The following CNTN3 variants were observed in gnomAD, a reference collection of about 807,000 sequenced individuals.
CNTN3 encodes the protein contactin 3.
A neutral mutation model predicts 119.1 loss-of-function variants in CNTN3; 60 were observed. The observed-to-expected ratio is 0.50, with a 90% CI of 0.41 to 0.62. The LOEUF is 0.62. Ranked by LOEUF, CNTN3 falls within the 20% of genes least tolerant of loss-of-function variation. CNTN3 has a pLI of 0.00. For synonymous variants in CNTN3, 450 were observed against 438.7 expected (o/e 1.03, Z -0.32); for missense variants, 1,101 against 1,242.4 (o/e 0.89, Z 1.71).
chr3:74,335,849 T>G (rs1703380235), intron 12 of CNTN3, among the ~76,000 whole-genome samples: 1 of 152,152 alleles, frequency 6.6e-6, no homozygotes, highest in African/African-American at 2.4e-5. Flanking sequence ...CCATGAAATC[T>G]TTTTCCAAAT....
At position 74,544,260 on chromosome 3, in the gene CNTN3, T is replaced by C. The variant is rs186352668; in HGVS notation, c.-80-23068A>G. 3.9e-3 allele frequency among the ~76,000 whole-genome samples: 592 copies of C among 152,340 alleles called. 6 individuals carry two copies. The highest frequency in any genetic ancestry group is 0.014 in the African/African-American group (576 of 41,590). On this transcript the variant is annotated intron_variant, in intron 1 of 22. Coordinates refer to ENST00000263665, the MANE Select transcript of CNTN3 (RefSeq NM_020872.3). ...CTTAAAACCTTATGATATAACAATG[T>C]AACTGAATAGCTCAAGAATATAACA...
rs888878472 is a variant in CNTN3, at chr3:74,342,424, G to A, written c.1365-5766C>T. On this transcript the variant is annotated intron_variant, in intron 11 of 22. Transcript: ENST00000263665. ...ATTTATTGGTTAGTAAATCTCCAAG[G>A]AAAGGAAAAGCAGAATGGAGGAGAT... Among the ~76,000 whole-genome samples the A allele has an allele frequency of 2.0e-5, 3 of 152,212 alleles. No homozygotes were observed. The East Asian group carries it at 5.8e-4, about 29-fold the overall frequency.
At chr3:74,486,995 G>A (rs1702871235) in intron 3 of CNTN3, among the ~76,000 whole-genome samples, 1 of 152,178 alleles carries the variant, frequency 6.6e-6, no homozygotes, top group African/African-American at 2.4e-5. Context: ...TGCTGACAAT[G>A]AAGGAAGAAA....
chr3:74,431,402 G>C (rs938793644), intron 4 of CNTN3, among the ~76,000 whole-genome samples: 1 of 152,168 alleles, frequency 6.6e-6, no homozygotes, highest in Non-Finnish European at 1.5e-5. Context: ...CAGGGGTATA[G>C]TGCACAAGTC....
At position 74,374,235 on chromosome 3, in the gene CNTN3, C is replaced by T. The variant is rs143120875; in HGVS notation, c.455-2836G>A. On this transcript the variant is annotated intron_variant, in intron 5 of 22. Transcript: ENST00000263665. Reference sequence around the variant, plus strand: ...TTGTTCACCAACATGGGACCTGACTCGCAGTCTGAGGCTCTCTGCCCATTT... The same window carrying T: ...TTGTTCACCAACATGGGACCTGACTTGCAGTCTGAGGCTCTCTGCCCATTT... Among the ~76,000 whole-genome samples, 367 of 152,076 alleles carry T rather than the reference C, an allele frequency of 2.4e-3. 2 individuals are homozygous for T. Among genetic ancestry groups the T allele is most frequent in the Admixed American group, 6.5e-3 (100 of 15,280 alleles).
chr3:74,352,875 A>G (rs1181965568), intron 11 of CNTN3, among the ~76,000 whole-genome samples: 1 of 152,142 alleles, frequency 6.6e-6, no homozygotes, highest in Non-Finnish European at 1.5e-5. Flanking sequence ...ATTCACTGAA[A>G]CTCACTGAGC....
intron 1 of CNTN3, among the ~76,000 whole-genome samples, chr3:74,583,144 C>T (rs1226567271): frequency 6.6e-6 from 1 of 152,034 alleles, no homozygotes; most frequent in Non-Finnish European, 1.5e-5. Flanking sequence ...GGTACCTGGA[C>T]TAGAGTGATT....
chr3:74,466,388 A>G (rs1702460920), intron 4 of CNTN3, among the ~76,000 whole-genome samples: 1 of 152,216 alleles, frequency 6.6e-6, no homozygotes, highest in South Asian at 2.1e-4. Context: ...TATCAATAAC[A>G]AAGATGTTCA....
intron 1 of CNTN3, among the ~76,000 whole-genome samples, chr3:74,536,074 A>G (rs893043293): frequency 6.6e-6 from 1 of 152,140 alleles, no homozygotes; most frequent in Non-Finnish European, 1.5e-5. Flanking sequence ...ACTGAGAGAC[A>G]GGACGCATCT....
intron 11 of CNTN3, among the ~76,000 whole-genome samples, chr3:74,359,216 T>C (rs1423845180): frequency 6.6e-6 from 1 of 152,118 alleles, no homozygotes; most frequent in Non-Finnish European, 1.5e-5. Flanking sequence ...AACCAACCAA[T>C]GAACGGCCAA....
At chr3:74,539,367 G>T (rs935232463) in intron 1 of CNTN3, among the ~76,000 whole-genome samples, 2 of 152,038 alleles carry the variant, frequency 1.3e-5, no homozygotes, top group Non-Finnish European at 2.9e-5. Context: ...ATTGATGAGG[G>T]TGTTTAATCT....
At chr3:74,420,831 C>T (rs1346086371) in intron 5 of CNTN3, among the ~76,000 whole-genome samples, 4 of 152,182 alleles carry the variant, frequency 2.6e-5, no homozygotes, top group Admixed American at 2.6e-4. Context: ...TGCCTCCTCT[C>T]TGAGGCACAC....
intron 1 of CNTN3, among the ~76,000 whole-genome samples, 167 bp downstream of exon 1, chr3:74,614,224 C>T (rs1282372245): frequency 1.3e-5 from 2 of 152,200 alleles, no homozygotes; most frequent in Non-Finnish European, 2.9e-5. Context: ...CTCCCCAGAG[C>T]AAGTCCGATG....
intron 5 of CNTN3, among the ~76,000 whole-genome samples, chr3:74,390,156 C>T (rs1271885942): frequency 6.6e-6 from 1 of 152,184 alleles, no homozygotes; most frequent in Admixed American, 6.5e-5. Flanking sequence ...CATCTCTTAG[C>T]CAACTGATCT....
At chr3:74,480,100 A>G (rs114420863) in intron 4 of CNTN3, among the ~76,000 whole-genome samples, 2 of 152,074 alleles carry the variant, frequency 1.3e-5, no homozygotes, top group Non-Finnish European at 2.9e-5. Flanking sequence ...ATTATGGCCC[A>G]ATAAAATCCT....
chr3:74,582,783 T>TTGTGTGTGTGTGTG (rs60306845), intron 1 of CNTN3, among the ~76,000 whole-genome samples: 2,059 of 145,024 alleles, frequency 0.014, 27 homozygotes, highest in Middle Eastern at 0.039. Context: ...GTGTATGCAT[T>TTGTGTGTGTGTGTG]TGTGTGTGTG....
In CNTN3 at chr3:74,450,073, T is replaced by C. The variant is rs188539735; in HGVS notation, c.359-25133A>G. Among the ~76,000 whole-genome samples the C allele has an allele frequency of 2.6e-5, 4 of 152,200 alleles. No homozygotes were observed. In the East Asian group the frequency reaches 7.7e-4, roughly 29 times the overall value. Reference sequence around the variant, plus strand: ...GCCCTTACCTAAGAAACAAGAATTGTCCTTTGCTGGGAGGCTAATGAAAAT... The same window carrying C: ...GCCCTTACCTAAGAAACAAGAATTGCCCTTTGCTGGGAGGCTAATGAAAAT... On this transcript the variant is annotated intron_variant, in intron 4 of 22. Coordinates refer to ENST00000263665, the MANE Select transcript of CNTN3 (RefSeq NM_020872.3).
chr3:74,521,326 T>C (rs904347750), intron 1 of CNTN3, among the ~76,000 whole-genome samples, 134 bp from the exon 2 acceptor site: 1 of 151,336 alleles, frequency 6.6e-6, no homozygotes, highest in African/African-American at 2.4e-5. Context: ...ACAAATCTGT[T>C]TTGATACAAA....
chr3:74,474,766 G>A (rs1384179335), intron 4 of CNTN3, among the ~76,000 whole-genome samples: 1 of 152,096 alleles, frequency 6.6e-6, no homozygotes, highest in South Asian at 2.1e-4. Context: ...CCTGGTGGGA[G>A]GTGATTAGAT....
Sources: gnomAD v4.1 joint callset for allele counts (sites outside exome capture counted in the v4.1 genomes callset) on GRCh38, gnomAD v4.1.1 for gene constraint, MANE v1.5 for transcripts, NCBI Gene and HGNC (gene_info 2026-07-23, HGNC 2026-07-21) for gene names.